TBCEL: variants seen among roughly 807,000 people sequenced by gnomAD.
The protein encoded by TBCEL is tubulin-specific chaperone cofactor E-like protein.
TBCEL carries 15 observed loss-of-function variants against 44.2 expected under a neutral mutation model. The ratio of observed to expected loss-of-function variants is 0.34; its 90% CI spans 0.23 to 0.52. TBCEL has a LOEUF of 0.52. TBCEL is among the 20% of genes least tolerant of loss of function. The pLI is 0.95. For synonymous variants in TBCEL, 171 were observed against 185.4 expected, an observed-to-expected ratio of 0.92 and a Z score of 0.63; for missense variants, 319 against 506.3, an observed-to-expected ratio of 0.63 and a Z score of 3.55.
intron 2 of TBCEL, among the ~76,000 whole-genome samples, chr11:121,038,999 T>G (rs1945283479): frequency 6.6e-6 from 1 of 152,218 alleles, no homozygotes; most frequent in Non-Finnish European, 1.5e-5. Context: ...CCTCTCTCTA[T>G]TCTGCATAAA....
chr11:121,090,168 A>G lies in TBCEL; in HGVS notation c.*3072A>G, dbSNP rs1020560877. ...AAATATAACTTGAGCTAGGTATAAC[A>G]GGGCTGAATGCTACAGTGTTGTTTT... is the stretch of plus-strand genomic sequence containing the variant. On this transcript the variant is annotated 3_prime_UTR_variant, in exon 9 of 9. Coordinates refer to ENST00000683345, the MANE Select transcript of TBCEL (RefSeq NM_001363644.2). 1 of 152,220 alleles carries G rather than the reference A, an allele frequency of 6.6e-6. No individual in the cohort carries two copies. The highest frequency in any genetic ancestry group is 2.4e-5 in the African/African-American group (1 of 41,464). The allele number at this position is 152,220 out of a possible 1,614,324, so 9.4% of individuals were successfully genotyped here.
intron 2 of TBCEL, among the ~76,000 whole-genome samples, chr11:121,038,634 T>G (rs1263390281): frequency 6.6e-6 from 1 of 152,148 alleles, no homozygotes; most frequent in African/African-American, 2.4e-5. Context: ...GTAGCAGTCC[T>G]GAGAGGTTCT....
At chr11:121,035,639 A>G (rs1945218389) in intron 1 of TBCEL, 4 of 152,194 alleles carry the variant, frequency 2.6e-5, no homozygotes, top group Admixed American at 2.6e-4. Flanking sequence ...TTTCCTTAAC[A>G]TGATGGCTTC....
intron 8 of TBCEL, among the ~76,000 whole-genome samples, chr11:121,063,628 A>T (rs1945765156): frequency 1.3e-5 from 2 of 152,252 alleles, no homozygotes; most frequent in Non-Finnish European, 1.5e-5. Flanking sequence ...ATTACATGAA[A>T]CAGGAAAGAA....
intron 8 of TBCEL, among the ~76,000 whole-genome samples, chr11:121,076,945 A>G (rs939763934): frequency 6.6e-6 from 1 of 152,058 alleles, no homozygotes; most frequent in African/African-American, 2.4e-5. Context: ...GTATCAATAT[A>G]GTGAATTATA....
chr11:121,036,099 C>T (rs1945227210), intron 1 of TBCEL: 1 of 152,176 alleles, frequency 6.6e-6, no homozygotes, highest in African/African-American at 2.4e-5. Context: ...CAAGTTCCCC[C>T]AGTTTCGTAT....
intron 8 of TBCEL, among the ~76,000 whole-genome samples, chr11:121,068,069 C>A (rs567027477): frequency 6.6e-6 from 1 of 152,164 alleles, no homozygotes; most frequent in Admixed American, 6.6e-5. Context: ...TAGCCAGTCC[C>A]GAGGCTTTCA....
At chr11:121,073,453 G>T (rs939287860) in intron 8 of TBCEL, among the ~76,000 whole-genome samples, 1 of 151,588 alleles carries the variant, frequency 6.6e-6, no homozygotes, top group African/African-American at 2.4e-5. Flanking sequence ...ATTGATTATT[G>T]TTGCTCTATA....
At chr11:121,044,912 A>G (rs1245424058) in intron 2 of TBCEL, among the ~76,000 whole-genome samples, 3 of 152,146 alleles carry the variant, frequency 2.0e-5, no homozygotes, top group Admixed American at 2.0e-4. Flanking sequence ...GCTTAAGCAA[A>G]ATAGGTTACT....
chr11:121,077,248 A>C (rs908378782), intron 8 of TBCEL, among the ~76,000 whole-genome samples: 1 of 152,064 alleles, frequency 6.6e-6, no homozygotes, highest in Non-Finnish European at 1.5e-5. Flanking sequence ...TTATCAGTGA[A>C]GCCATCTGAG....
chr11:121,074,071 G>A (rs1372360718), intron 8 of TBCEL, among the ~76,000 whole-genome samples: 1 of 151,812 alleles, frequency 6.6e-6, no homozygotes, highest in East Asian at 1.9e-4. Context: ...TTGAGTTCGT[G>A]ATTTCATATT....
intron 8 of TBCEL, among the ~76,000 whole-genome samples, chr11:121,085,913 T>G (rs1946208212): frequency 6.6e-6 from 1 of 152,250 alleles, no homozygotes; most frequent in African/African-American, 2.4e-5. Context: ...GATAATTTTA[T>G]GTGACTTGTA....
chr11:121,042,336 G>A (rs1565494051), intron 2 of TBCEL, among the ~76,000 whole-genome samples: 1 of 152,112 alleles, frequency 6.6e-6, no homozygotes, highest in African/African-American at 2.4e-5. Flanking sequence ...TATAGTGCCT[G>A]TTGCTAGTGG....
At chr11:121,079,812 G>A (rs7940619) in intron 8 of TBCEL, among the ~76,000 whole-genome samples, 56,390 of 151,930 alleles carry the variant, frequency 0.37, 11,004 homozygotes, top group African/African-American at 0.5. Flanking sequence ...AAACAAACTC[G>A]ATAAATGTTT....
intron 8 of TBCEL, among the ~76,000 whole-genome samples, chr11:121,083,143 T>C (rs1946156474): frequency 6.6e-6 from 1 of 152,202 alleles, no homozygotes; most frequent in Non-Finnish European, 1.5e-5. Context: ...GAAACAGATA[T>C]TGAGAAAGCT....
intron 4 of TBCEL, among the ~76,000 whole-genome samples, chr11:121,049,271 C>T (rs984513915): frequency 5.3e-5 from 8 of 151,614 alleles, no homozygotes; most frequent in Non-Finnish European, 1.0e-4. Flanking sequence ...GTAGGCTTGC[C>T]GATAAAATTA....
rs11602226 is a variant in TBCEL, at chr11:121,087,175, G to A, written c.*79G>A. On this transcript the variant is annotated 3_prime_UTR_variant, in exon 9 of 9. Coordinates refer to ENST00000683345, the MANE Select transcript of TBCEL (RefSeq NM_001363644.2). ...GTTTTTAATGTGGTTTTCTTTAGGA[G>A]GGAGAGGTTGTTTTTGTTTTGTTTT... 1.1e-3 allele frequency: 1,511 copies of A among 1,362,838 alleles called. 13 individuals carry two copies. The African/African-American group carries it at 0.018, about 16-fold the overall frequency. 84.4% of individuals were successfully genotyped at this position (1,362,838 alleles called of 1,614,324 possible).
chr11:121,073,599 A>G (rs567162376), intron 8 of TBCEL, among the ~76,000 whole-genome samples: 1 of 151,792 alleles, frequency 6.6e-6, no homozygotes, highest in East Asian at 1.9e-4. Flanking sequence ...TTTCTTGGAT[A>G]TGACCTCCAG....
intron 4 of TBCEL, among the ~76,000 whole-genome samples, chr11:121,050,180 T>C (rs924071122): frequency 1.7e-4 from 26 of 151,792 alleles, no homozygotes; most frequent in African/African-American, 6.0e-4. Flanking sequence ...GATTAAACTC[T>C]TGGCCAGGCT....
Sources: gnomAD v4.1 joint callset for allele counts (sites outside exome capture counted in the v4.1 genomes callset) on GRCh38, gnomAD v4.1.1 for gene constraint, MANE v1.5 for transcripts, NCBI Gene and HGNC (gene_info 2026-07-23, HGNC 2026-07-21) for gene names.